CCSER1: variants seen among roughly 807,000 people sequenced by gnomAD.
The protein encoded by CCSER1 is coiled-coil serine rich protein 1.
A neutral mutation model predicts 82.0 loss-of-function variants in CCSER1; 41 were observed. The ratio of observed to expected loss-of-function variants is 0.50; its 90% CI spans 0.39 to 0.65. The LOEUF is 0.65. CCSER1 is among the 30% of genes least tolerant of loss of function. The pLI, the probability that CCSER1 is intolerant of heterozygous loss-of-function variation, is 0.00. For missense variants in CCSER1, 1,119 were observed against 1,064.2 expected (o/e 1.05, Z -0.72); for synonymous variants, 414 against 383.9 (o/e 1.08, Z -0.92).
intron 10 of CCSER1, among the ~76,000 whole-genome samples, chr4:91,573,842 C>A (rs1245171620): frequency 6.6e-6 from 1 of 152,038 alleles, no homozygotes; most frequent in Non-Finnish European, 1.5e-5. Context: ...CACTCCCCAC[C>A]CAGTTCTGTT....
intron 7 of CCSER1, chr4:90,780,801 T>C (rs903897663): frequency 3.6e-6 from 4 of 1,111,640 alleles, no homozygotes; most frequent in Non-Finnish European, 4.4e-6. Context: ...TTTCCATATA[T>C]GCGTGATCTT....
intron 1 of CCSER1, among the ~76,000 whole-genome samples, chr4:90,215,621 C>G (rs911344687): frequency 3.3e-5 from 5 of 152,126 alleles, no homozygotes; most frequent in African/African-American, 1.2e-4. Flanking sequence ...CTCTATTTGA[C>G]AGATAAAATA....
intron 9 of CCSER1, among the ~76,000 whole-genome samples, chr4:91,062,574 T>C (rs538903759): frequency 4.6e-5 from 7 of 152,182 alleles, no homozygotes; most frequent in African/African-American, 1.7e-4. Context: ...AGCTCGTAGG[T>C]ACACCACATT....
chr4:91,161,658 T>C (rs1252560216), intron 10 of CCSER1, among the ~76,000 whole-genome samples: 3 of 152,206 alleles, frequency 2.0e-5, no homozygotes, highest in African/African-American at 7.2e-5. Context: ...TTATTTTCTT[T>C]GTAGCAATTG....
chr4:90,257,845 T>C (rs1723628696), intron 1 of CCSER1, among the ~76,000 whole-genome samples: 1 of 152,178 alleles, frequency 6.6e-6, no homozygotes, highest in Admixed American at 6.5e-5. Context: ...CAGCCTTTTA[T>C]TCTATTCAGG....
At chr4:90,346,711 T>G (rs1234157424) in intron 3 of CCSER1, among the ~76,000 whole-genome samples, 3 of 152,154 alleles carry the variant, frequency 2.0e-5, no homozygotes, top group African/African-American at 7.2e-5. Context: ...AAATAATGTA[T>G]TACAATACTT....
At chr4:91,162,681 C>G (rs12511307) in intron 10 of CCSER1, among the ~76,000 whole-genome samples, 4 of 151,898 alleles carry the variant, frequency 2.6e-5, no homozygotes, top group Admixed American at 6.6e-5. Context: ...GTCCAGGAAT[C>G]TATCCATTTC....
chr4:91,010,202 T>A (rs1738894548), intron 9 of CCSER1, among the ~76,000 whole-genome samples: 1 of 152,162 alleles, frequency 6.6e-6, no homozygotes, highest in Non-Finnish European at 1.5e-5. Context: ...TTTGTTTTTG[T>A]TTTTGTTTCC....
At chr4:90,146,486 A>G (rs1725831838) in intron 1 of CCSER1, among the ~76,000 whole-genome samples, 1 of 152,044 alleles carries the variant, frequency 6.6e-6, no homozygotes, top group African/African-American at 2.4e-5. Flanking sequence ...CGTCATTCTA[A>G]TTACTGGCAG....
intron 1 of CCSER1, among the ~76,000 whole-genome samples, chr4:90,232,421 T>C (rs1012813838): frequency 1.8e-4 from 28 of 152,208 alleles, no homozygotes; most frequent in African/African-American, 6.5e-4. Flanking sequence ...GCTAGCCATA[T>C]GTAGAAAGCT....
intron 10 of CCSER1, among the ~76,000 whole-genome samples, chr4:91,496,615 CACGA>C (rs1758838854): frequency 8.0e-5 from 1 of 12,516 alleles, no homozygotes; most frequent in Non-Finnish European, 2.2e-4. Context: ...TATATATATA[CACGA>C]ATATATATTT....
chr4:91,176,273 G>A (rs1380262738), intron 10 of CCSER1, among the ~76,000 whole-genome samples: 2 of 152,114 alleles, frequency 1.3e-5, no homozygotes, highest in Admixed American at 1.3e-4. Context: ...CTCCAGCTTT[G>A]TTCTTTTGGC....
intron 7 of CCSER1, among the ~76,000 whole-genome samples, chr4:90,729,604 A>C (rs1009415955): frequency 1.3e-5 from 2 of 152,188 alleles, no homozygotes; most frequent in African/African-American, 2.4e-5. Context: ...GGCCGGGCGC[A>C]GTGGCTCACG....
intron 1 of CCSER1, among the ~76,000 whole-genome samples, chr4:90,252,724 TC>T (rs1722619678): frequency 6.6e-6 from 1 of 151,916 alleles, no homozygotes; most frequent in Non-Finnish European, 1.5e-5. Flanking sequence ...AGGCCAATTT[TC>T]CAAATTAAAA....
chr4:91,127,923 A>G (rs1441106823), intron 10 of CCSER1, among the ~76,000 whole-genome samples: 1 of 151,060 alleles, frequency 6.6e-6, no homozygotes, highest in Non-Finnish European at 1.5e-5. Flanking sequence ...ATTAGCATAC[A>G]TGCTCAAATT....
At chr4:90,320,839 A>G (rs1178190456) in intron 3 of CCSER1, among the ~76,000 whole-genome samples, 1 of 152,088 alleles carries the variant, frequency 6.6e-6, no homozygotes, top group Non-Finnish European at 1.5e-5. Flanking sequence ...CATACACTTA[A>G]CTCACTTCTT....
At position 90,453,544 on chromosome 4, in the gene CCSER1, A is replaced by G. The variant is rs138515909; in HGVS notation, c.1604-14690A>G. Among the ~76,000 whole-genome samples the G allele has an allele frequency of 4.3e-3, 657 of 152,226 alleles. 6 individuals carry two copies. Among genetic ancestry groups the G allele is most frequent in the African/African-American group, 0.015 (635 of 41,524 alleles). On this transcript the variant is annotated intron_variant, in intron 4 of 10. Coordinates refer to ENST00000509176, the MANE Select transcript of CCSER1 (RefSeq NM_001145065.2). ...AAAGTGGACCGAGACCAGTGTGGCA[A>G]TTGTGGCTCAGCCAATTTTCCCTGG...
At chr4:90,238,396 T>C (rs971088859) in intron 1 of CCSER1, among the ~76,000 whole-genome samples, 4 of 152,202 alleles carry the variant, frequency 2.6e-5, no homozygotes, top group Non-Finnish European at 5.9e-5. Flanking sequence ...GCTTGTGAGG[T>C]ATTAGAGAGC....
At chr4:90,149,891 T>C (rs17016575) in intron 1 of CCSER1, among the ~76,000 whole-genome samples, 47,361 of 152,046 alleles carry the variant, frequency 0.31, 8,660 homozygotes, top group East Asian at 0.65. Flanking sequence ...TAATGTTTTT[T>C]GGAGTAAAAT....
Sources: gnomAD v4.1 joint callset for allele counts (sites outside exome capture counted in the v4.1 genomes callset) on GRCh38, gnomAD v4.1.1 for gene constraint, MANE v1.5 for transcripts, NCBI Gene and HGNC (gene_info 2026-07-23, HGNC 2026-07-21) for gene names.